The following SHISA6 variants were observed in gnomAD, a reference collection of about 807,000 sequenced individuals.
SHISA6 encodes protein shisa-6.
Under a neutral mutation model 47.9 loss-of-function variants are expected in SHISA6, and 22 were observed. The ratio of observed to expected loss-of-function variants is 0.46; its 90% CI spans 0.33 to 0.66. The LOEUF (loss-of-function observed/expected upper bound fraction) is 0.66, where lower values mean the gene tolerates loss of function less well. SHISA6 is among the 30% of genes least tolerant of loss of function. The pLI, the probability that SHISA6 is intolerant of heterozygous loss-of-function variation, is 0.02. For synonymous variants in SHISA6, 388 were observed against 337.8 expected (o/e 1.15, Z -1.63); for missense variants, 680 against 764.6 (o/e 0.89, Z 1.30).
chr17:11,357,212 A>AAAT (rs1238818831), intron 2 of SHISA6, among the ~76,000 whole-genome samples: 20 of 149,086 alleles, frequency 1.3e-4, no homozygotes, highest in Non-Finnish European at 2.1e-4. Context: ...AAAAAAATGA[A>AAAT]GAAGAAGAAG....
At chr17:11,459,538 T>A (rs1915646035) in intron 3 of SHISA6, among the ~76,000 whole-genome samples, 1 of 152,142 alleles carries the variant, frequency 6.6e-6, no homozygotes, top group South Asian at 2.1e-4. Context: ...ACAGTAAGTG[T>A]TTAATGAAAT....
At chr17:11,532,360 T>C (rs2071742070) in intron 3 of SHISA6, among the ~76,000 whole-genome samples, 1 of 152,170 alleles carries the variant, frequency 6.6e-6, no homozygotes, top group Admixed American at 6.5e-5. Context: ...AGAAAGAGCA[T>C]GTGTGAGCTC....
intron 3 of SHISA6, among the ~76,000 whole-genome samples, chr17:11,476,525 G>A (rs1265729607): frequency 2.0e-5 from 3 of 151,842 alleles, no homozygotes; most frequent in African/African-American, 7.2e-5. Flanking sequence ...CTTGAGATTT[G>A]TTTGACTCCT....
intron 3 of SHISA6, among the ~76,000 whole-genome samples, chr17:11,387,417 C>G (rs528726005): frequency 6.6e-6 from 1 of 152,226 alleles, no homozygotes; most frequent in South Asian, 2.1e-4. Context: ...CACAGAGGTG[C>G]CCCCTTGACT....
intron 2 of SHISA6, among the ~76,000 whole-genome samples, chr17:11,278,049 G>A (rs1324009912): frequency 6.6e-6 from 1 of 152,116 alleles, no homozygotes; most frequent in African/African-American, 2.4e-5. Context: ...GCCCACAAGG[G>A]GACTGTGTAA....
chr17:11,315,660 T>C (rs546532760), intron 2 of SHISA6, among the ~76,000 whole-genome samples: 7 of 152,328 alleles, frequency 4.6e-5, no homozygotes, highest in African/African-American at 1.7e-4. Flanking sequence ...GATATTTCTT[T>C]TTTATGTCAT....
intron 5 of SHISA6, among the ~76,000 whole-genome samples, 197 bp downstream of exon 5, chr17:11,556,089 TAGAA>T (rs1567638470): frequency 2.0e-5 from 3 of 152,174 alleles, no homozygotes; most frequent in East Asian, 1.9e-4. Context: ...TTTCCATACA[TAGAA>T]AGAAGACCAT....
intron 3 of SHISA6, among the ~76,000 whole-genome samples, chr17:11,484,778 A>G (rs140850756): frequency 0.011 from 1,691 of 152,326 alleles, 20 homozygotes; most frequent in Non-Finnish European, 0.018. Context: ...ATCAAAATCA[A>G]CATTATAAAA....
At chr17:11,342,036 G>A (rs1422972281) in intron 2 of SHISA6, among the ~76,000 whole-genome samples, 1 of 151,968 alleles carries the variant, frequency 6.6e-6, no homozygotes, top group African/African-American at 2.4e-5. Flanking sequence ...AGTCTATCTT[G>A]TCTCTCTGGC....
intron 1 of SHISA6, among the ~76,000 whole-genome samples, chr17:11,262,480 C>T (rs965944159): frequency 5.3e-5 from 8 of 152,212 alleles, no homozygotes; most frequent in African/African-American, 1.9e-4. Context: ...ATGTCACACC[C>T]ACAGAGGGCA....
intron 3 of SHISA6, among the ~76,000 whole-genome samples, chr17:11,393,469 C>T (rs1913458900): frequency 6.6e-6 from 1 of 152,150 alleles, no homozygotes. Flanking sequence ...CTCTACTGAG[C>T]AGCCAGACTG....
rs1324323058 is a variant in SHISA6 at position 11,423,322 on chromosome 17, TATATATAGATAG to T, written c.895+43817_895+43828del. 1.4e-4 allele frequency among the ~76,000 whole-genome samples: 11 copies of T among 77,738 alleles called. No individual in the cohort carries two copies. The South Asian group carries it at 1.5e-3, about 10-fold the overall frequency. 51.0% of individuals were successfully genotyped at this position (77,738 alleles called of 152,430 possible). ...CATATATCTATATATGCCTGTAACA[TATATATAGATAG>T]ATAGATAGATAGATAGATAGATAGA... On this transcript the variant is annotated intron_variant, in intron 3 of 5. Transcript: ENST00000441885.
intron 4 of SHISA6, 38 bp downstream of exon 4, chr17:11,551,990 AT>A: frequency 6.5e-7 from 1 of 1,542,084 alleles, no homozygotes; most frequent in Non-Finnish European, 8.8e-7. Context: ...TTTCCTCCTT[AT>A]TTCGAGTGGC....
At chr17:11,308,774 G>A (rs1411780696) in intron 2 of SHISA6, among the ~76,000 whole-genome samples, 1 of 152,116 alleles carries the variant, frequency 6.6e-6, no homozygotes, top group Non-Finnish European at 1.5e-5. Flanking sequence ...CGGTGGCTGC[G>A]ATGCAGGCAA....
intron 1 of SHISA6, among the ~76,000 whole-genome samples, chr17:11,256,212 CGG>C (rs1908001578): frequency 6.6e-6 from 1 of 152,090 alleles, no homozygotes; most frequent in Non-Finnish European, 1.5e-5. Flanking sequence ...AAAATAACAC[CGG>C]CCGGGCACGG....
At chr17:11,526,473 G>T (rs2071682717) in intron 3 of SHISA6, among the ~76,000 whole-genome samples, 1 of 152,132 alleles carries the variant, frequency 6.6e-6, no homozygotes, top group Non-Finnish European at 1.5e-5. Flanking sequence ...GGTCCCCAGA[G>T]CATCGCACTT....
At chr17:11,242,122 C>T (rs1014433152) in intron 1 of SHISA6, 62 bp downstream of exon 1, 9 of 1,540,322 alleles carry the variant, frequency 5.8e-6, no homozygotes, top group Middle Eastern at 1.9e-4. Flanking sequence ...CAGCTTGCTT[C>T]CCCTGTCCTC....
intron 1 of SHISA6, among the ~76,000 whole-genome samples, chr17:11,253,693 C>T (rs1234632168): frequency 6.6e-6 from 1 of 152,030 alleles, no homozygotes; most frequent in Non-Finnish European, 1.5e-5. Context: ...TTTGCAATTC[C>T]CTCTGGGGGT....
chr17:11,534,559 A>T (rs2071768958), intron 3 of SHISA6, among the ~76,000 whole-genome samples: 1 of 152,212 alleles, frequency 6.6e-6, no homozygotes, highest in Non-Finnish European at 1.5e-5. Context: ...ATGTAATTAT[A>T]ACACAATGTA....
Sources: allele counts gnomAD v4.1 joint callset (sites outside exome capture counted in the v4.1 genomes callset), GRCh38; gene constraint gnomAD v4.1.1; transcripts MANE v1.5; gene names NCBI Gene and HGNC (gene_info 2026-07-23, HGNC 2026-07-21).